Variants in NINL observed in about 807,000 individuals in gnomAD.
NINL encodes the protein ninein-like protein.
In NINL, 153 loss-of-function variants were observed where a neutral mutation model predicts 160.3. That is an observed-to-expected ratio of 0.95 (90% confidence interval 0.84 to 1.09). The LOEUF (loss-of-function observed/expected upper bound fraction) is 1.09. Among genes scored for constraint, NINL ranks in the 50% least tolerant of loss-of-function variants. NINL has a pLI of 0.00. For synonymous variants in NINL, 800 were observed against 734.8 expected (o/e 1.09, Z -1.43); for missense variants, 1,829 against 1,764.0 (o/e 1.04, Z -0.66).
rs761919075 is a variant in NINL at position 25,510,684 on chromosome 20, A to G, written c.507T>C (p.Phe169=). The change falls in exon 5 of 24, where the codon TTT becomes TTC. Residue 169 remains phenylalanine (F), a synonymous_variant. Transcript: ENST00000278886. ...ESTKEAQNEL[F]EAQGQLQTWD... ...AGGCTGAGGCTTTACCTTGTGCTTC[A>G]AATAATTCATTCTGAGCTTCTTTAG... 6.2e-7 allele frequency: 1 copy of G among 1,613,912 alleles called. No homozygotes were observed. The highest frequency in any genetic ancestry group is 8.5e-7 in the Non-Finnish European group (1 of 1,179,982).
In NINL at chr20:25,559,547, C is replaced by T. The variant is rs537151652; in HGVS notation, c.-12+25908G>A. Reference sequence around the variant, plus strand: ...AGCCACCTCACCCAGCTGGGAGGGCCTTTTTCATTTTCCGTCTGCTTGGTC... The same window carrying T: ...AGCCACCTCACCCAGCTGGGAGGGCTTTTTTCATTTTCCGTCTGCTTGGTC... On this transcript the variant is annotated intron_variant, in intron 1 of 23. Coordinates refer to ENST00000278886, the MANE Select transcript of NINL (RefSeq NM_025176.6). Among the ~76,000 whole-genome samples, 295 of 151,906 alleles carry T rather than the reference C, an allele frequency of 1.9e-3. 1 individual carries two copies. The highest frequency in any genetic ancestry group is 3.4e-3 in the Non-Finnish European group (228 of 67,898).
Position 25,476,457 on chromosome 20 carries a change from C to G in NINL, c.2834G>C (p.Gly945Ala), listed in dbSNP as rs760604049. ...QPGARELPLLGTERDASQTQP... is the reference protein window; with the variant it reads ...QPGARELPLLATERDASQTQP... ...GGTTTGCGAGGCGTCTCTCTCTGTTCCCAGCAGAGGCAGCTCCCGGGCTCC... is the reference window on the plus strand; with the variant it reads ...GGTTTGCGAGGCGTCTCTCTCTGTTGCCAGCAGAGGCAGCTCCCGGGCTCC... The change falls in exon 17 of 24, where the codon GGA becomes GCA. Residue 945 changes from glycine to alanine, a missense_variant. Physicochemically the swap from Gly to Ala is moderately conservative, Grantham distance 60. Transcript: ENST00000278886. 1.9e-6 allele frequency: 3 copies of G among 1,607,790 alleles called. No individual in the cohort carries two copies. The African/African-American group carries it at 4.0e-5, about 21-fold the overall frequency.
At chr20:25,501,507 A>G (rs2063867542) in intron 7 of NINL, among the ~76,000 whole-genome samples, 3 of 152,212 alleles carry the variant, frequency 2.0e-5, no homozygotes, top group African/African-American at 4.8e-5. Context: ...CCAGACCCTC[A>G]GAATGCAGCA....
At chr20:25,517,919 T>C (rs147543842) in intron 2 of NINL, 70 bp from the exon 3 acceptor site, 161 of 926,968 alleles carry the variant, frequency 1.7e-4, no homozygotes, top group African/African-American at 1.5e-3. Flanking sequence ...AGTGACTCTT[T>C]TGGATTTTCT....
At chr20:25,585,372 G>C (rs1198019699) in intron 1 of NINL, 83 bp downstream of exon 1, 1 of 152,190 alleles carries the variant, frequency 6.6e-6, no homozygotes. Flanking sequence ...TGACTAAGGC[G>C]CGGGTCGCGA....
intron 17 of NINL, among the ~76,000 whole-genome samples, chr20:25,473,649 C>A (rs1452705188): frequency 2.0e-5 from 3 of 150,622 alleles, no homozygotes; most frequent in African/African-American, 4.9e-5. Context: ...CATGGTGAAA[C>A]CCCGTCTGTA....
In NINL at chr20:25,476,394, G is replaced by T. The variant is rs371388214; in HGVS notation, c.2897C>A (p.Ala966Asp). The T allele has an allele frequency of 6.2e-7, 1 of 1,601,762 alleles. No homozygotes were observed. The highest frequency in any genetic ancestry group is 1.4e-5 in the African/African-American group (1 of 71,612). ...CCTCTCAGCCTGTCCCCTGCACGAA[G>T]CGGCCGGCCTCAGGGGTGGCTCCCA... Reference protein sequence around the residue: ...RMWEPPLRPAASCRGQAERLQ... With the variant: ...RMWEPPLRPADSCRGQAERLQ... The change falls in exon 17 of 24, where the codon GCT becomes GAT. Residue 966 changes from alanine to aspartate, a missense_variant. Coordinates refer to ENST00000278886, the MANE Select transcript of NINL (RefSeq NM_025176.6).
chr20:25,477,029 G>C lies in NINL; in HGVS notation c.2262C>G (p.Arg754=). 1 of 1,599,700 alleles carries C rather than the reference G, an allele frequency of 6.3e-7. No individual in the cohort carries two copies. Among genetic ancestry groups the C allele is most frequent in the Non-Finnish European group, 8.5e-7 (1 of 1,179,690 alleles). ...ELSGLGALPA[R]RDLTLELEEP... ...CCTCCAGCTCCAAGGTCAGGTCTCT[G>C]CGAGCGGGCAGGGCTCCCAGCCCCG... Residue 754 remains arginine, a synonymous_variant, in exon 17 of 24, where the codon CGC becomes CGG. Coordinates refer to ENST00000278886, the MANE Select transcript of NINL (RefSeq NM_025176.6).
rs748981393 is a variant in NINL at position 25,504,897 on chromosome 20, G to C, written c.699C>G (p.Leu233=). ...VVCQSVGLQG[L]EKEELEDLFN... The stretch of plus-strand genomic sequence containing the variant: ...CTGCTGTGCCCCTCACCTCTTTCTC[G>C]AGTCCCTGGAGCCCGACGCTCTGGC... The change falls in exon 6 of 24, where the codon CTC becomes CTG. Residue 233 remains leucine, a synonymous_variant. Transcript: ENST00000278886. 17 of 1,610,734 alleles carry C rather than the reference G, an allele frequency of 1.1e-5. No homozygotes were observed. Among genetic ancestry groups the C allele is most frequent in the Admixed American group, 6.7e-5 (4 of 59,982 alleles).
chr20:25,526,330 CTGA>C (rs1434878251), intron 2 of NINL, 75 bp downstream of exon 2: 7 of 1,278,118 alleles, frequency 5.5e-6, no homozygotes, highest in Admixed American at 4.3e-5. Context: ...CCTTATTCAG[CTGA>C]TATTTATCAA....
chr20:25,463,074 G>A (rs898903801), intron 19 of NINL, among the ~76,000 whole-genome samples: 3 of 152,074 alleles, frequency 2.0e-5, no homozygotes, highest in African/African-American at 7.2e-5. Context: ...AGGTATTTTT[G>A]GTAATCACAG....
chr20:25,527,756 G>A (rs553379164), intron 1 of NINL, among the ~76,000 whole-genome samples: 3 of 152,240 alleles, frequency 2.0e-5, no homozygotes, highest in Non-Finnish European at 4.4e-5. Context: ...AAGGGATCTC[G>A]TCCACTGCTG....
At chr20:25,501,140 C>T (rs2063860014) in intron 7 of NINL, 130 bp from the exon 8 acceptor site, 1 of 1,230,194 alleles carries the variant, frequency 8.1e-7, no homozygotes, top group South Asian at 1.6e-5. Context: ...AGACCATCCT[C>T]AGCTCTCAGA....
At position 25,584,481 on chromosome 20, in the gene NINL, G is replaced by C. The variant is rs150209811; in HGVS notation, c.-12+974C>G. 1.4e-3 allele frequency among the ~76,000 whole-genome samples: 206 copies of C among 152,154 alleles called. 1 individual carries two copies. The highest frequency in any genetic ancestry group is 4.7e-3 in the African/African-American group (194 of 41,528). ...GTTTCAAAAACAGCAACAACAACAA[G>C]AACAACAACAAGAAGAACAAAAACT... On this transcript the variant is annotated intron_variant, in intron 1 of 23. Coordinates refer to ENST00000278886, the MANE Select transcript of NINL (RefSeq NM_025176.6).
rs753828467 is a variant in NINL, at chr20:25,467,391, G to C, written c.3421C>G (p.Gln1141Glu). ...ACSEMEVLNR[Q>E]NQNYKDQLSQ... ...CATGCCAGGCGTCGATACGTCACCT[G>C]TCTGTTGAGCACCTCCATCTCAGAG... The change falls in exon 19 of 24, where the codon CAG (glutamine) becomes GAG (glutamate). Residue 1141 changes from glutamine to glutamate, a missense_variant and splice_region_variant. By Grantham distance (29) the Gln-to-Glu change is conservative. Coordinates refer to ENST00000278886, the MANE Select transcript of NINL (RefSeq NM_025176.6). 6.2e-7 allele frequency: 1 copy of C among 1,612,306 alleles called. No homozygotes were observed.
chr20:25,488,981 T>C (rs1601118214), intron 13 of NINL: 1 of 477,858 alleles, frequency 2.1e-6, no homozygotes, highest in Non-Finnish European at 3.8e-6. Context: ...GCATGGCAGG[T>C]TTGGCCCAGG....
Position 25,548,730 on chromosome 20 carries a change from T to A in NINL, c.-11-22132A>T, listed in dbSNP as rs1309583590. On this transcript the variant is annotated intron_variant, in intron 1 of 23. Transcript: ENST00000278886. ...GCTGACCCCAGTACCCACGGCCACATCTCCCACACCCGGCCTCACCCAGGG... is the reference window on the plus strand; with the variant it reads ...GCTGACCCCAGTACCCACGGCCACAACTCCCACACCCGGCCTCACCCAGGG... Among the ~76,000 whole-genome samples the A allele has an allele frequency of 1.7e-4, 8 of 46,374 alleles. No homozygotes were observed. The South Asian group carries it at 6.5e-3, about 38-fold the overall frequency. The allele number at this position is 46,374 out of a possible 152,430, so 30.4% of individuals were successfully genotyped here.
At chr20:25,470,168 C>T (rs2063061150) in intron 17 of NINL, 73 bp from the exon 18 acceptor site, 19 of 1,213,168 alleles carry the variant, frequency 1.6e-5, no homozygotes, top group South Asian at 8.5e-5. Flanking sequence ...GGCTCTGCAG[C>T]GGGGAGTCCT....
chr20:25,519,639 T>C (rs1232328954), intron 2 of NINL, among the ~76,000 whole-genome samples: 1 of 152,076 alleles, frequency 6.6e-6, no homozygotes, highest in Non-Finnish European at 1.5e-5. Flanking sequence ...AGTCATACAA[T>C]GAAATACCTG....
Sources: allele counts gnomAD v4.1 joint callset (sites outside exome capture counted in the v4.1 genomes callset), GRCh38; gene constraint gnomAD v4.1.1; transcripts MANE v1.5; gene names NCBI Gene and HGNC (gene_info 2026-07-23, HGNC 2026-07-21).